RIMS2: variants seen among roughly 807,000 people sequenced by gnomAD.
RIMS2 encodes the protein regulating synaptic membrane exocytosis protein 2.
A neutral mutation model predicts 174.4 loss-of-function variants in RIMS2; 59 were observed. The ratio of observed to expected loss-of-function variants is 0.34; its 90% CI spans 0.27 to 0.42. RIMS2 has a LOEUF of 0.42. Ranked by LOEUF, RIMS2 falls within the 10% of genes least tolerant of loss-of-function variation. RIMS2 has a pLI of 1.00. For synonymous variants in RIMS2, 606 were observed against 572.5 expected (o/e 1.06, Z -0.84); for missense variants, 1,620 against 1,666.3 (o/e 0.97, Z 0.48).
intron 6 of RIMS2, among the ~76,000 whole-genome samples, chr8:103,913,117 C>T (rs1236812553): frequency 2.0e-5 from 3 of 150,392 alleles, no homozygotes; most frequent in South Asian, 2.1e-4. Flanking sequence ...TGACTATAGG[C>T]GCGCACCACC....
intron 17 of RIMS2, among the ~76,000 whole-genome samples, chr8:104,007,890 T>C (rs1211393268): frequency 1.3e-5 from 2 of 152,282 alleles, no homozygotes; most frequent in East Asian, 3.9e-4. Context: ...TTTGGACTTA[T>C]TATGAAGTGA....
At chr8:104,009,937 T>C (rs2095702958) in intron 17 of RIMS2, among the ~76,000 whole-genome samples, 1 of 152,074 alleles carries the variant, frequency 6.6e-6, no homozygotes, top group African/African-American at 2.4e-5. Flanking sequence ...ATACTCTACA[T>C]TGAGCTTACT....
At chr8:103,975,245 G>A (rs1011268240) in intron 15 of RIMS2, 105 bp from the exon 18 acceptor site, 4 of 628,368 alleles carry the variant, frequency 6.4e-6, no homozygotes, top group Middle Eastern at 4.4e-4. Flanking sequence ...TAATATATTA[G>A]AAGTCTTTAA....
intron 3 of RIMS2, among the ~76,000 whole-genome samples, chr8:103,847,017 A>G (rs529179439): frequency 6.6e-6 from 1 of 152,212 alleles, no homozygotes; most frequent in African/African-American, 2.4e-5. Context: ...ACTTGCTCAC[A>G]GTGATCAGGG....
At chr8:103,691,406 C>T (rs1313022451) in intron 1 of RIMS2, among the ~76,000 whole-genome samples, 6 of 152,090 alleles carry the variant, frequency 3.9e-5, no homozygotes, top group South Asian at 2.1e-4. Context: ...TGTGTATTTT[C>T]AAATAGCCTG....
chr8:103,510,051 C>G (rs1029324993), intron 1 of RIMS2, among the ~76,000 whole-genome samples: 2 of 152,102 alleles, frequency 1.3e-5, no homozygotes, highest in Non-Finnish European at 2.9e-5. Flanking sequence ...TCCTTTAAGG[C>G]ACAGGAGGAA....
At chr8:103,778,451 T>C (rs1343173599) in intron 3 of RIMS2, among the ~76,000 whole-genome samples, 1 of 152,092 alleles carries the variant, frequency 6.6e-6, no homozygotes, top group Non-Finnish European at 1.5e-5. Flanking sequence ...CAATCTACTT[T>C]CTAGAGATCT....
chr8:103,708,664 G>A (rs1382338882), intron 2 of RIMS2, among the ~76,000 whole-genome samples: 2 of 152,156 alleles, frequency 1.3e-5, no homozygotes, highest in African/African-American at 2.4e-5. Context: ...CCCTTTCACT[G>A]TTTCCATTGA....
At chr8:104,018,006 C>A (rs933950810) in intron 19 of RIMS2, among the ~76,000 whole-genome samples, 1 of 152,068 alleles carries the variant, frequency 6.6e-6, no homozygotes, top group Non-Finnish European at 1.5e-5. Flanking sequence ...GCCCAGGAGA[C>A]GCAGGTTGCA....
intron 1 of RIMS2, among the ~76,000 whole-genome samples, chr8:103,655,329 A>G (rs1205347356): frequency 6.6e-6 from 1 of 152,046 alleles, no homozygotes; most frequent in Non-Finnish European, 1.5e-5. Flanking sequence ...ATCACATAAC[A>G]TAGGTTTTAT....
Position 103,635,555 on chromosome 8 carries a change from G to A in RIMS2, c.177-61531G>A, listed in dbSNP as rs1185603641. Among the ~76,000 whole-genome samples, 3 of 152,240 alleles carry A rather than the reference G, an allele frequency of 2.0e-5. 1 individual carries two copies. The highest frequency in any genetic ancestry group is 4.4e-5 in the Non-Finnish European group (3 of 68,044). ...CCTGGAGGTGTCACCAGTGAAGGCT[G>A]TGAAACAGCGAAGGTAACAGCCTGT... On this transcript the variant is annotated intron_variant, in intron 1 of 23. Transcript: ENST00000504942.
At chr8:103,883,872 C>A (rs1300948750) in intron 3 of RIMS2, among the ~76,000 whole-genome samples, 1 of 151,830 alleles carries the variant, frequency 6.6e-6, no homozygotes. Flanking sequence ...TAATTGCTGG[C>A]AGATTTCCAT....
At chr8:103,708,701 T>G (rs547097675) in intron 2 of RIMS2, among the ~76,000 whole-genome samples, 2 of 152,212 alleles carry the variant, frequency 1.3e-5, no homozygotes, top group Non-Finnish European at 2.9e-5. Flanking sequence ...ATCTTTGGTT[T>G]TCTGTGCATA....
At chr8:104,093,623 A>G (rs2097701154) in intron 19 of RIMS2, 1 of 1,595,026 alleles carries the variant, frequency 6.3e-7, no homozygotes, top group African/African-American at 1.3e-5. Flanking sequence ...CAGAACGCCC[A>G]GGAGGAAACA....
At chr8:104,007,450 C>G (rs1390720906) in intron 17 of RIMS2, among the ~76,000 whole-genome samples, 2 of 152,174 alleles carry the variant, frequency 1.3e-5, no homozygotes, top group Non-Finnish European at 2.9e-5. Context: ...GGATTCCGAT[C>G]TAATTTTTTA....
rs115856889 is a variant in RIMS2, at chr8:103,864,290, A to G, written c.699-21008A>G. On this transcript the variant is annotated intron_variant, in intron 3 of 23. Transcript: ENST00000504942. ...GAGGTTGTTAGTTTGAGATCTTTCT[A>G]TCTTTTTGATGTAGGCATTTAATAC... Among the ~76,000 whole-genome samples the G allele has an allele frequency of 6.2e-3, 936 of 151,990 alleles. 12 individuals carry two copies. Among genetic ancestry groups the G allele is most frequent in the African/African-American group, 0.021 (883 of 41,438 alleles).
At chr8:103,974,499 C>T (rs1011109844) in intron 15 of RIMS2, among the ~76,000 whole-genome samples, 3 of 152,160 alleles carry the variant, frequency 2.0e-5, no homozygotes, top group Non-Finnish European at 4.4e-5. Context: ...TTGAGTCAAA[C>T]GTACTTTTCC....
intron 1 of RIMS2, among the ~76,000 whole-genome samples, chr8:103,660,541 CAG>C (rs1168852203): frequency 6.6e-6 from 1 of 152,078 alleles, no homozygotes; most frequent in East Asian, 1.9e-4. Context: ...GGAATGAAAT[CAG>C]GGGGCTGTAT....
chr8:103,672,406 T>A (rs1011265576), intron 1 of RIMS2, among the ~76,000 whole-genome samples: 10 of 152,036 alleles, frequency 6.6e-5, no homozygotes, highest in African/African-American at 2.4e-4. Flanking sequence ...AAAATAGTTT[T>A]AATTGGCTCA....
Sources: allele counts gnomAD v4.1 joint callset (sites outside exome capture counted in the v4.1 genomes callset), GRCh38; gene constraint gnomAD v4.1.1; transcripts MANE v1.5; gene names NCBI Gene and HGNC (gene_info 2026-07-23, HGNC 2026-07-21).